The following SPAG8 variants were observed in gnomAD, a reference collection of about 807,000 sequenced individuals.
SPAG8 encodes sperm associated antigen 8.
SPAG8 carries 36 observed loss-of-function variants against 45.3 expected under a neutral mutation model. The ratio of observed to expected loss-of-function variants is 0.80; its 90% CI spans 0.61 to 1.05. The LOEUF is 1.05. Among genes scored for constraint, SPAG8 ranks in the 50% least tolerant of loss-of-function variants. The pLI is 0.00. For missense variants in SPAG8, 573 were observed against 609.2 expected, an observed-to-expected ratio of 0.94 and a Z score of 0.63; for synonymous variants, 227 against 232.6, an observed-to-expected ratio of 0.98 and a Z score of 0.22.
In SPAG8 at chr9:35,811,218, C is replaced by T. The variant is rs73444820; in HGVS notation, c.828G>A (p.Pro276=). 3.5e-3 allele frequency: 5,544 copies of T among 1,585,862 alleles called. 125 individuals are homozygous for T. The African/African-American group carries it at 0.064, about 18-fold the overall frequency. Reference sequence around the variant, plus strand: ...AGTTGTAGAGGAGGCACTGGCCCCGCGGCAAAGTTTCATAGCAAACCATAA... The same window carrying T: ...AGTTGTAGAGGAGGCACTGGCCCCGTGGCAAAGTTTCATAGCAAACCATAA... ...GKLMVCYETL[P]RGQCLLYNWE... The change falls in exon 2 of 7, where the codon CCG becomes CCA. Residue 276 remains proline, a synonymous_variant. Transcript: ENST00000396638.
downstream of SPAG8, chr9:35,808,048 C>T: frequency 2.7e-6 from 2 of 736,768 alleles, no homozygotes; most frequent in South Asian, 1.7e-5. The surrounding 1 kb of genome is among the most constrained non-coding windows in gnomAD (Gnocchi z 4.0). Flanking sequence ...CTGTGTATTT[C>T]CTTAAAACAA....
chr9:35,810,240 C>G lies in SPAG8; in HGVS notation c.1263+7G>C. The G allele has an allele frequency of 6.2e-7, 1 of 1,613,672 alleles. No homozygotes were observed. The highest frequency in any genetic ancestry group is 1.1e-5 in the South Asian group (1 of 91,080). On this transcript the variant is annotated splice_region_variant and intron_variant, in intron 6 of 6. Coordinates refer to ENST00000396638, the MANE Select transcript of SPAG8 (RefSeq NM_001039592.2). ...TCTGCCCCCAACACCTAGTCACCCT[C>G]ACACACCGGCAGCTGTGGTGCCCTC...
rs565552074 is a variant in SPAG8 at position 35,811,965 on chromosome 9, C to T, written c.81G>A (p.Gly27=). The stretch of plus-strand genomic sequence containing the variant: ...AAGAAGGAAACGGTTCCGAAGTGGG[C>T]CCCAGTCCTTCGGAGCTGGGCTGTA... The part of the protein sequence containing the change: ...LDIQPSSEGL[G]PTSEPFPSSD... Residue 27 remains glycine (G), a synonymous_variant, in exon 2 of 7, where the codon GGG becomes GGA. Coordinates refer to ENST00000396638, the MANE Select transcript of SPAG8 (RefSeq NM_001039592.2). 6.3e-6 allele frequency: 10 copies of T among 1,599,742 alleles called. No individual in the cohort carries two copies. The African/African-American group carries it at 1.2e-4, about 19-fold the overall frequency.
At chr9:35,808,214 CCA>C (rs1325898108), downstream of SPAG8, 2 of 1,614,056 alleles carry the variant, frequency 1.2e-6, no homozygotes, top group African/African-American at 2.7e-5. The surrounding 1 kb of genome is among the most constrained non-coding windows in gnomAD (Gnocchi z 4.0). Context: ...TTCTTGCTTC[CCA>C]TTTCCTGATG....
chr9:35,811,818 G>T lies in SPAG8; in HGVS notation c.228C>A (p.Thr76=). The change falls in exon 2 of 7, where the codon ACC becomes ACA. Residue 76 remains threonine (T), a synonymous_variant. Transcript: ENST00000396638. ...CCATGAACTCAGAACAGGGCGCTGG[G>T]GTCTTTGTAGATAATGCAGCTGCTT... The part of the protein sequence containing the change: ...TAKAAALSTK[T]PAPCSEFMEP... The T allele has an allele frequency of 1.9e-6, 3 of 1,612,852 alleles. No homozygotes were observed. The highest frequency in any genetic ancestry group is 1.7e-4 in the Middle Eastern group (1 of 6,056).
chr9:35,808,641 C>T (rs1452208078), downstream of SPAG8: 3 of 1,614,182 alleles, frequency 1.9e-6, no homozygotes, highest in Non-Finnish European at 2.5e-6. This position sits in a 1 kb window ranked among gnomAD's most constrained non-coding sequence, Gnocchi z 4.0. Flanking sequence ...CATCCGCCAC[C>T]GACCCCATGA....
At chr9:35,808,852 A>G, downstream of SPAG8, 1 of 1,576,466 alleles carries the variant, frequency 6.3e-7, no homozygotes, top group Non-Finnish European at 8.7e-7. This position sits in a 1 kb window ranked among gnomAD's most constrained non-coding sequence, Gnocchi z 4.0. Flanking sequence ...CTAATGGTCA[A>G]GGTAAGACAT....
rs1159869211 is a variant in SPAG8 at position 35,812,130 on chromosome 9, A to G, written c.18T>C (p.Ser6=). 1.2e-6 allele frequency: 2 copies of G among 1,607,866 alleles called. No homozygotes were observed. Among genetic ancestry groups the G allele is most frequent in the Non-Finnish European group, 1.7e-6 (2 of 1,179,980 alleles). METNE[S]TEGSRSRSRS... ...GCGACCGCGACCGCGATCCCTCCGT[A>G]GACTCGTTGGTCTCCATCTTCAGAC... Residue 6 remains serine (S), a synonymous_variant, in exon 1 of 7, where the codon TCT becomes TCC. Coordinates refer to ENST00000396638, the MANE Select transcript of SPAG8 (RefSeq NM_001039592.2).
At chr9:35,810,609 C>T (rs372863611) in intron 4 of SPAG8, 28 bp downstream of exon 4, 7 of 1,614,038 alleles carry the variant, frequency 4.3e-6, no homozygotes, top group Non-Finnish European at 5.9e-6. Context: ...TCCTCCCCAT[C>T]CCTCTTCCCC....
Position 35,812,244 on chromosome 9 carries a change from G to T in SPAG8, c.-97C>A. ...GGGCGGACTTGCAGGTGGCGGTGGA[G>T]GCAAGTCCTCTGCGGGGCGGAAGTC... is the stretch of plus-strand genomic sequence containing the variant. On this transcript the variant is annotated 5_prime_UTR_variant, in exon 1 of 7. Transcript: ENST00000396638. 3 of 1,389,120 alleles carry T rather than the reference G, an allele frequency of 2.2e-6. No individual in the cohort carries two copies. 86.0% of individuals were successfully genotyped at this position (1,389,120 alleles called of 1,614,324 possible).
Position 35,810,698 on chromosome 9 carries a change from G to C in SPAG8, c.1040-16C>G, listed in dbSNP as rs77126164. On this transcript the variant is annotated splice_polypyrimidine_tract_variant and intron_variant, in intron 3 of 6. Transcript: ENST00000396638. ...TCACGCTTCCCTGTGAGAGAGTTGG[G>C]GGGTGGGCAAGGTGGGGTCTGGTTA... 1.2e-6 allele frequency: 2 copies of C among 1,613,972 alleles called. No homozygotes were observed. The highest frequency in any genetic ancestry group is 1.7e-5 in the Admixed American group (1 of 60,002).
downstream of SPAG8, chr9:35,808,461 C>A: frequency 1.9e-6 from 3 of 1,589,816 alleles, no homozygotes; most frequent in Non-Finnish European, 1.7e-6. This position sits in a 1 kb window ranked among gnomAD's most constrained non-coding sequence, Gnocchi z 4.0. Flanking sequence ...TTTTTCCCAT[C>A]CCCATGGATA....
At chr9:35,808,373 C>T, downstream of SPAG8, 1 of 1,400,428 alleles carries the variant, frequency 7.1e-7, no homozygotes, top group South Asian at 1.2e-5. The surrounding 1 kb of genome is among the most constrained non-coding windows in gnomAD (Gnocchi z 4.0). Flanking sequence ...AGGACCATGG[C>T]ACTTATTTTC....
rs1828706377 is a variant in SPAG8, at chr9:35,810,209, C to A, written c.1263+38G>T. ...AAACAACTCTGCCCTACCTTTCCTG[C>A]CCCGCTCTGCCCCCAACACCTAGTC... is the stretch of plus-strand genomic sequence containing the variant. On this transcript the variant is annotated intron_variant, in intron 6 of 6. Transcript: ENST00000396638. The A allele has an allele frequency of 2.5e-6, 4 of 1,612,166 alleles. No homozygotes were observed. In the African/African-American group the frequency reaches 5.3e-5, roughly 22 times the overall value.
chr9:35,810,000 A>T lies in SPAG8; in HGVS notation c.1396T>A (p.Ser466Thr). The stretch of plus-strand genomic sequence containing the variant: ...CTTCCTCCGGGACAGGGAAGGGAAG[A>T]TATTTCTCCCAATTGGTAGGGGTAA... ...ENYPYQLGEISSLPCPGGRLG... is the reference protein window; with the variant it reads ...ENYPYQLGEITSLPCPGGRLG... Residue 466 changes from serine to threonine, a missense_variant, in exon 7 of 7, where the codon TCT becomes ACT. Coordinates refer to ENST00000396638, the MANE Select transcript of SPAG8 (RefSeq NM_001039592.2). This position sits in a 1 kb window ranked among gnomAD's most constrained non-coding sequence, Gnocchi z 4.1. 6.2e-7 allele frequency: 1 copy of T among 1,611,814 alleles called. No individual in the cohort carries two copies. The highest frequency in any genetic ancestry group is 8.5e-7 in the Non-Finnish European group (1 of 1,178,772).
chr9:35,810,778 C>A, intron 3 of SPAG8, 96 bp from the exon 4 acceptor site: 1 of 1,600,966 alleles, frequency 6.2e-7, no homozygotes, highest in Non-Finnish European at 8.5e-7. Context: ...CCTTGGGGTT[C>A]CGCCCTTATA....
At chr9:35,808,064 T>A, downstream of SPAG8, 1 of 793,626 alleles carries the variant, frequency 1.3e-6, no homozygotes, top group Non-Finnish European at 2.2e-6. This position sits in a 1 kb window ranked among gnomAD's most constrained non-coding sequence, Gnocchi z 4.0. Flanking sequence ...AACAATGGCA[T>A]TTATTCTCTT....
chr9:35,809,905 C>G lies in SPAG8; in HGVS notation c.*33G>C, dbSNP rs528771476. 3.2e-6 allele frequency: 5 copies of G among 1,543,550 alleles called. 1 individual carries two copies. In the South Asian group the frequency reaches 6.4e-5, roughly 20 times the overall value. On this transcript the variant is annotated 3_prime_UTR_variant, in exon 7 of 7. Transcript: ENST00000396638. This position sits in a 1 kb window ranked among gnomAD's most constrained non-coding sequence, Gnocchi z 4.1. ...TCTCTAGTGCAGACAGAAATAGATT[C>G]CATATTCCATACCCCACTTCCCTCC...
chr9:35,811,715 G>T lies in SPAG8; in HGVS notation c.331C>A (p.Leu111Ile). 1 of 1,614,250 alleles carries T rather than the reference G, an allele frequency of 6.2e-7. No individual in the cohort carries two copies. The highest frequency in any genetic ancestry group is 8.5e-7 in the Non-Finnish European group (1 of 1,180,034). The change falls in exon 2 of 7, where the codon CTT (leucine) becomes ATT (isoleucine). Residue 111 changes from leucine to isoleucine, a missense_variant. Coordinates refer to ENST00000396638, the MANE Select transcript of SPAG8 (RefSeq NM_001039592.2). The part of the protein sequence containing the change: ...GFTHNIAHGS[L>I]GFEPVYVSCI... ...GAAACATAGACGGGCTCAAAGCCAAGACTCCCATGGGCTATATTGTGGGTA... is the reference window on the plus strand; with the variant it reads ...GAAACATAGACGGGCTCAAAGCCAATACTCCCATGGGCTATATTGTGGGTA...
Sources: allele counts gnomAD v4.1 joint callset, GRCh38; gene constraint gnomAD v4.1.1; non-coding constraint Gnocchi (gnomAD v3.1); transcripts MANE v1.5; gene names NCBI Gene and HGNC (gene_info 2026-07-23, HGNC 2026-07-21).